Variants in STRN3 observed in about 807,000 individuals in gnomAD.
The protein encoded by STRN3 is striatin-3.
A neutral mutation model predicts 95.6 loss-of-function variants in STRN3; 29 were observed. That is an observed-to-expected ratio of 0.30 (90% CI 0.23 to 0.41). The LOEUF is 0.41. Among genes scored for constraint, STRN3 ranks in the 10% least tolerant of loss-of-function variants. The probability of loss-of-function intolerance (pLI) is 1.00; values close to 1 mark genes in which losing one functional copy is unlikely to be tolerated. For synonymous variants in STRN3, 331 were observed against 357.6 expected, an observed-to-expected ratio of 0.93 and a Z score of 0.84; for missense variants, 890 against 972.1, an observed-to-expected ratio of 0.92 and a Z score of 1.12.
intron 1 of STRN3, among the ~76,000 whole-genome samples, chr14:30,961,493 G>A (rs1880204640): frequency 6.6e-6 from 1 of 152,124 alleles, no homozygotes; most frequent in Non-Finnish European, 1.5e-5. Context: ...CATTGTAGTG[G>A]GACGCATTAG....
chr14:30,987,424 G>A (rs1035400157), intron 1 of STRN3, among the ~76,000 whole-genome samples: 5 of 151,904 alleles, frequency 3.3e-5, no homozygotes, highest in Non-Finnish European at 4.4e-5. Context: ...GGAGAATGGC[G>A]TGAACCCAGG....
rs60601878 is a variant in STRN3, at chr14:30,985,306, C to CA, written c.283-29065dup. On this transcript the variant is annotated intron_variant, in intron 1 of 17. Transcript: ENST00000357479. ...CTGGGCAACAAGAGTAAAACTCCGC[C>CA]AAAAAAAAAAAAATAGGCCAGGCGC... Among the ~76,000 whole-genome samples, 930 of 128,142 alleles carry CA rather than the reference C, an allele frequency of 7.3e-3. 10 individuals carry two copies. The highest frequency in any genetic ancestry group is 0.021 in the African/African-American group (738 of 34,508). The allele number at this position is 128,142 out of a possible 152,430, so 84.1% of individuals were successfully genotyped here. A position where few individuals can be genotyped will look rare whatever the true frequency, so the allele number is the denominator to read the frequency against.
chr14:31,011,023 A>G (rs1009283967), intron 1 of STRN3, among the ~76,000 whole-genome samples: 1 of 152,238 alleles, frequency 6.6e-6, no homozygotes, highest in Non-Finnish European at 1.5e-5. Flanking sequence ...TGGGTGACAG[A>G]GCAACACTCT....
At chr14:31,013,662 T>A (rs933537389) in intron 1 of STRN3, among the ~76,000 whole-genome samples, 1 of 151,776 alleles carries the variant, frequency 6.6e-6, no homozygotes, top group Non-Finnish European at 1.5e-5. Flanking sequence ...GGTGTGATGA[T>A]AGCTCATTAC....
Position 30,972,064 on chromosome 14 carries a change from C to A in STRN3, c.283-15822G>T, listed in dbSNP as rs563204193. ...GGGGAGGGATTGTTAGATATGAGTTCTAAATTTCTTTTCAAAGAATATGTC... is the reference window on the plus strand; with the variant it reads ...GGGGAGGGATTGTTAGATATGAGTTATAAATTTCTTTTCAAAGAATATGTC... On this transcript the variant is annotated intron_variant, in intron 1 of 17. Transcript: ENST00000357479. 3.3e-5 allele frequency among the ~76,000 whole-genome samples: 5 copies of A among 152,292 alleles called. No individual in the cohort carries two copies. The South Asian group carries it at 8.3e-4, about 25-fold the overall frequency.
At chr14:30,957,419 C>A (rs1879971070) in intron 1 of STRN3, among the ~76,000 whole-genome samples, 1 of 144,462 alleles carries the variant, frequency 6.9e-6, no homozygotes, top group South Asian at 2.2e-4. Context: ...TGCCACTGCA[C>A]TCCAGCCTAG....
In STRN3 at chr14:30,947,270, G is replaced by A; in HGVS notation, c.543-7C>T. 1 of 1,564,418 alleles carries A rather than the reference G, an allele frequency of 6.4e-7. No homozygotes were observed. The highest frequency in any genetic ancestry group is 1.7e-4 in the Middle Eastern group (1 of 5,796). The stretch of plus-strand genomic sequence containing the variant: ...ACCTACTTCCTGAAGATACCTGTAA[G>A]AGAAAATAAATATTAAAATCCACAT... On this transcript the variant is annotated splice_polypyrimidine_tract_variant and splice_region_variant and intron_variant, in intron 4 of 17. Coordinates refer to ENST00000357479, the MANE Select transcript of STRN3 (RefSeq NM_001083893.2).
chr14:30,965,899 C>A (rs917554925), intron 1 of STRN3, among the ~76,000 whole-genome samples: 6 of 151,884 alleles, frequency 4.0e-5, no homozygotes, highest in Admixed American at 2.0e-4. Context: ...CAGTATGTTC[C>A]ACTCTTTGCC....
intron 1 of STRN3, among the ~76,000 whole-genome samples, chr14:30,973,453 G>A (rs1018811622): frequency 2.6e-5 from 4 of 151,288 alleles, no homozygotes; most frequent in Non-Finnish European, 5.9e-5. Flanking sequence ...AGATATTAAA[G>A]TTAAATTAGT....
rs1394593161 is a variant in STRN3 at position 31,020,683 on chromosome 14, AGAAT to A, written c.282+5217_282+5220del. On this transcript the variant is annotated intron_variant, in intron 1 of 17. Transcript: ENST00000357479. Reference sequence around the variant, plus strand: ...TTGGACTTTGGGAGGATGAGGTGGGAGAATCATTTGAGCCCAGGAGTTCAAGACC... The same window carrying A: ...TTGGACTTTGGGAGGATGAGGTGGGACATTTGAGCCCAGGAGTTCAAGACC... 2.0e-5 allele frequency among the ~76,000 whole-genome samples: 3 copies of A among 152,024 alleles called. No individual in the cohort carries two copies. The East Asian group carries it at 5.8e-4, about 30-fold the overall frequency.
chr14:31,000,020 T>C (rs1026383469), intron 1 of STRN3, among the ~76,000 whole-genome samples: 1 of 152,188 alleles, frequency 6.6e-6, no homozygotes, highest in African/African-American at 2.4e-5. Flanking sequence ...AGAGATTGTC[T>C]ATATCCAACA....
Position 30,905,398 on chromosome 14 carries a change from G to A in STRN3, c.2029+20C>T, listed in dbSNP as rs1310762449. The A allele has an allele frequency of 3.8e-6, 6 of 1,575,550 alleles. No homozygotes were observed. The highest frequency in any genetic ancestry group is 1.4e-5 in the African/African-American group (1 of 72,884). The stretch of plus-strand genomic sequence containing the variant: ...TAATAACCCTTTTTAAGGTTTCAAA[G>A]AAACTCCATGAAAACTTACCAGAAT... On this transcript the variant is annotated intron_variant, in intron 15 of 17. Transcript: ENST00000357479.
chr14:30,950,123 T>C (rs910469209), intron 4 of STRN3, among the ~76,000 whole-genome samples: 2 of 151,862 alleles, frequency 1.3e-5, no homozygotes, highest in African/African-American at 4.8e-5. Flanking sequence ...AAAGCAACCA[T>C]AGGTAGAAGA....
chr14:30,954,997 T>C (rs953790261), intron 3 of STRN3, among the ~76,000 whole-genome samples: 1 of 152,164 alleles, frequency 6.6e-6, no homozygotes, highest in Admixed American at 6.5e-5. Context: ...AAGAGAAGAC[T>C]ATAATAATCA....
Position 30,929,967 on chromosome 14 carries a change from A to AAAC in STRN3, c.989-657_989-656insGTT, listed in dbSNP as rs1555317340. On this transcript the variant is annotated intron_variant, in intron 7 of 17. Transcript: ENST00000357479. The stretch of plus-strand genomic sequence containing the variant: ...AACTAAGATTAGCAAAAAAAAAAAA[A>AAAC]AAAAAAAAAAAACTCAAATTCCACT... 1.8e-4 allele frequency among the ~76,000 whole-genome samples: 16 copies of AAAC among 91,212 alleles called. 2 individuals carry two copies. Among genetic ancestry groups the AAAC allele is most frequent in the East Asian group, 3.2e-4 (1 of 3,138 alleles). 59.8% of individuals were successfully genotyped at this position (91,212 alleles called of 152,430 possible). A position where few individuals can be genotyped will look rare whatever the true frequency, so the allele number is the denominator to read the frequency against.
At chr14:30,915,039 A>G (rs1566432787) in intron 9 of STRN3, among the ~76,000 whole-genome samples, 1 of 152,244 alleles carries the variant, frequency 6.6e-6, no homozygotes. Context: ...TAACATTAAG[A>G]TAACAAGGGA....
intron 16 of STRN3, among the ~76,000 whole-genome samples, chr14:30,898,010 G>T (rs1896203851): frequency 6.6e-6 from 1 of 151,968 alleles, no homozygotes; most frequent in African/African-American, 2.4e-5. Context: ...TTGTATTTTT[G>T]AGACAGGGCC....
chr14:30,986,028 G>A (rs1047180232), intron 1 of STRN3, among the ~76,000 whole-genome samples: 1 of 151,878 alleles, frequency 6.6e-6, no homozygotes, highest in Non-Finnish European at 1.5e-5. Context: ...CCACAAGATG[G>A]GAAACCTAGG....
intron 5 of STRN3, among the ~76,000 whole-genome samples, chr14:30,942,970 T>G (rs1594471167): frequency 1.3e-5 from 2 of 152,356 alleles, no homozygotes; most frequent in Admixed American, 1.3e-4. Context: ...GGCTAGTAAC[T>G]AGTGGTTAAG....
Sources: allele counts gnomAD v4.1 joint callset (sites outside exome capture counted in the v4.1 genomes callset), GRCh38; gene constraint gnomAD v4.1.1; transcripts MANE v1.5; gene names NCBI Gene and HGNC (gene_info 2026-07-23, HGNC 2026-07-21).